The following GALNT17 variants were observed in gnomAD, a reference collection of about 807,000 sequenced individuals.
GALNT17 encodes the protein polypeptide N-acetylgalactosaminyltransferase 17, also known as UDP-GalNAc:polypeptide N-acetylgalactosaminyltransferase-like 3.
Under a neutral mutation model 63.7 loss-of-function variants are expected in GALNT17, and 29 were observed. The observed-to-expected ratio is 0.46, with a 90% CI of 0.34 to 0.62. GALNT17 has a LOEUF of 0.62. Ranked by LOEUF, GALNT17 falls within the 20% of genes least tolerant of loss-of-function variation. The probability of loss-of-function intolerance (pLI) is 0.01; values close to 1 mark genes in which losing one functional copy is unlikely to be tolerated. For missense variants in GALNT17, 603 were observed against 799.6 expected (o/e 0.75, Z 2.97); for synonymous variants, 305 against 318.3 (o/e 0.96, Z 0.45).
At chr7:71,640,658 A>G (rs11971870) in intron 6 of GALNT17, among the ~76,000 whole-genome samples, 13,553 of 152,118 alleles carry the variant, frequency 0.089, 854 homozygotes, top group African/African-American at 0.18. Context: ...GTTATATCAT[A>G]TTTTAAAAAA....
chr7:71,148,860 TTATATATATATATA>T (rs59163644), intron 1 of GALNT17, among the ~76,000 whole-genome samples: 22 of 103,260 alleles, frequency 2.1e-4, no homozygotes, highest in East Asian at 5.6e-4. Flanking sequence ...TATGGTATTT[TTATATATATATATA>T]TATATATATA....
chr7:71,269,837 C>T (rs528802033), intron 1 of GALNT17, among the ~76,000 whole-genome samples: 2 of 152,114 alleles, frequency 1.3e-5, no homozygotes, highest in Non-Finnish European at 2.9e-5. Flanking sequence ...TGATGGAAGA[C>T]GGATGGAGCC....
intron 6 of GALNT17, among the ~76,000 whole-genome samples, chr7:71,643,121 C>T (rs111374801): frequency 0.01 from 1,540 of 152,168 alleles, 33 homozygotes; most frequent in African/African-American, 0.035. Context: ...CTGGAGAAAC[C>T]CCAAGCCAAT....
chr7:71,319,208 A>G (rs1327505712), intron 1 of GALNT17, among the ~76,000 whole-genome samples: 1 of 151,634 alleles, frequency 6.6e-6, no homozygotes, highest in African/African-American at 2.4e-5. Context: ...CTCTTACAGC[A>G]GACTTTTTGG....
intron 9 of GALNT17, among the ~76,000 whole-genome samples, chr7:71,680,772 TCCTTTCTTTCTTTTC>T (rs1396994896): frequency 4.9e-5 from 7 of 141,442 alleles, no homozygotes; most frequent in Admixed American, 3.6e-4. Context: ...TCCTTTCCCT[TCCTTTCTTTCTTTTC>T]CCTTCCTTCC....
At chr7:71,338,183 C>T (rs557654189) in intron 2 of GALNT17, among the ~76,000 whole-genome samples, 80 of 151,444 alleles carry the variant, frequency 5.3e-4, no homozygotes, top group South Asian at 1.7e-3. Flanking sequence ...AAAAATTAGC[C>T]GGGCGTGGTG....
Position 71,641,098 on chromosome 7 carries a change from A to G in GALNT17, c.1081-24313A>G, listed in dbSNP as rs114983777. On this transcript the variant is annotated intron_variant, in intron 6 of 10. Transcript: ENST00000333538. ...CAGGGAGCTGGGATGCAAGCAGCCC[A>G]GACCAGAGGTCTGTCATTGGGAACC... is the stretch of plus-strand genomic sequence containing the variant. Among the ~76,000 whole-genome samples the G allele has an allele frequency of 9.2e-3, 1,404 of 152,336 alleles. 23 individuals carry two copies. Among genetic ancestry groups the G allele is most frequent in the African/African-American group, 0.033 (1,370 of 41,580 alleles).
At chr7:71,460,682 C>G (rs531360868) in intron 5 of GALNT17, among the ~76,000 whole-genome samples, 1 of 152,160 alleles carries the variant, frequency 6.6e-6, no homozygotes, top group Non-Finnish European at 1.5e-5. Flanking sequence ...CTATGCAGAA[C>G]AGCCCTGAGG....
At chr7:71,186,415 G>T (rs1788852001) in intron 1 of GALNT17, among the ~76,000 whole-genome samples, 1 of 152,196 alleles carries the variant, frequency 6.6e-6, no homozygotes, top group Admixed American at 6.5e-5. Flanking sequence ...CCTGCCGCAG[G>T]CCTAAGCTGA....
intron 6 of GALNT17, among the ~76,000 whole-genome samples, chr7:71,597,458 T>C (rs1789903593): frequency 6.6e-6 from 1 of 152,096 alleles, no homozygotes; most frequent in Non-Finnish European, 1.5e-5. Flanking sequence ...CAGGGAGCTA[T>C]GATTGTGCTA....
In GALNT17 at chr7:71,133,778, G is replaced by A. The variant is rs547104314; in HGVS notation, c.238+738G>A. ...AGGAGAAGAGGGAGACTTTTTATGT[G>A]CTCTTGTCACACCTGGGCCAGGTCA... On this transcript the variant is annotated intron_variant, in intron 1 of 10. Coordinates refer to ENST00000333538, the MANE Select transcript of GALNT17 (RefSeq NM_022479.3). Among the ~76,000 whole-genome samples, 6 of 152,246 alleles carry A rather than the reference G, an allele frequency of 3.9e-5. No individual in the cohort carries two copies. The South Asian group carries it at 1.0e-3, about 26-fold the overall frequency.
At chr7:71,226,534 C>T (rs567417678) in intron 1 of GALNT17, among the ~76,000 whole-genome samples, 1 of 152,288 alleles carries the variant, frequency 6.6e-6, no homozygotes, top group East Asian at 1.9e-4. Flanking sequence ...CTGTTTCACC[C>T]AGGCTGGAGT....
intron 5 of GALNT17, among the ~76,000 whole-genome samples, chr7:71,472,641 G>A (rs754704145): frequency 9.8e-5 from 15 of 152,308 alleles, no homozygotes; most frequent in Admixed American, 2.6e-4. Context: ...AGCCGAGATC[G>A]TGTCACTGCC....
At chr7:71,370,963 G>T (rs972574419) in intron 2 of GALNT17, among the ~76,000 whole-genome samples, 2 of 152,204 alleles carry the variant, frequency 1.3e-5, no homozygotes, top group Non-Finnish European at 2.9e-5. Flanking sequence ...AGAGACAGAA[G>T]TTGGAGGTCC....
At chr7:71,487,158 G>T (rs986945382) in intron 5 of GALNT17, among the ~76,000 whole-genome samples, 1 of 152,194 alleles carries the variant, frequency 6.6e-6, no homozygotes, top group Non-Finnish European at 1.5e-5. Context: ...TGTCTCCTCT[G>T]ATCAGTCTGC....
chr7:71,376,997 A>C (rs553110200), intron 2 of GALNT17, among the ~76,000 whole-genome samples: 2 of 149,618 alleles, frequency 1.3e-5, no homozygotes, highest in Non-Finnish European at 3.0e-5. Context: ...GGGACAGGAG[A>C]ATCACTTGAG....
At chr7:71,392,146 C>A (rs960032649) in intron 3 of GALNT17, among the ~76,000 whole-genome samples, 1 of 152,146 alleles carries the variant, frequency 6.6e-6, no homozygotes, top group African/African-American at 2.4e-5. Context: ...TAGGTATCTT[C>A]ATTTAGTTTC....
intron 5 of GALNT17, among the ~76,000 whole-genome samples, chr7:71,505,242 C>T (rs978402805): frequency 3.9e-5 from 6 of 152,104 alleles, no homozygotes; most frequent in African/African-American, 1.4e-4. Context: ...CGTGCTAGTC[C>T]CACTGTTGGC....
chr7:71,150,596 C>T (rs549548002), intron 1 of GALNT17, among the ~76,000 whole-genome samples: 59 of 151,340 alleles, frequency 3.9e-4, no homozygotes, highest in African/African-American at 8.5e-4. Flanking sequence ...CTGCAAGCTC[C>T]GCCTCCCAGG....
Sources: gnomAD v4.1 joint callset for allele counts (sites outside exome capture counted in the v4.1 genomes callset) on GRCh38, gnomAD v4.1.1 for gene constraint, MANE v1.5 for transcripts, NCBI Gene and HGNC (gene_info 2026-07-23, HGNC 2026-07-21) for gene names.